Variants in DLGAP2 observed in about 807,000 individuals in gnomAD.
DLGAP2 encodes DLG associated protein 2, also known as disks large-associated protein 2.
DLGAP2 carries 26 observed loss-of-function variants against 100.3 expected under a neutral mutation model. The observed-to-expected ratio is 0.26, with a 90% CI of 0.19 to 0.36. The LOEUF (loss-of-function observed/expected upper bound fraction) is 0.36. DLGAP2 is among the 10% of genes least tolerant of loss of function. DLGAP2 has a pLI of 1.00. For missense variants in DLGAP2, 1,858 were observed against 1,453.2 expected (o/e 1.28, Z -4.53); for synonymous variants, 886 against 630.1 (o/e 1.41, Z -6.08).
rs146716594 is a variant in DLGAP2, at chr8:750,979, C to G, written c.18+13154C>G. ...CTGAGTTGTGGACGGTTGGAAGCTT[C>G]TTTTTCCATCAGCAAACAGGTGTCG... On this transcript the variant is annotated intron_variant, in intron 1 of 14. Coordinates refer to ENST00000637795, the MANE Select transcript of DLGAP2 (RefSeq NM_001346810.2). Among the ~76,000 whole-genome samples, 16 of 152,366 alleles carry G rather than the reference C, an allele frequency of 1.1e-4. No homozygotes were observed. In the East Asian group the frequency reaches 3.1e-3, roughly 29 times the overall value.
At chr8:976,125 A>T (rs1412451701) in intron 2 of DLGAP2, among the ~76,000 whole-genome samples, 1 of 152,238 alleles carries the variant, frequency 6.6e-6, no homozygotes, top group East Asian at 1.9e-4. Flanking sequence ...CTTAGGTATA[A>T]ATCCAAGAAA....
At chr8:772,922 T>C (rs995415648) in intron 1 of DLGAP2, among the ~76,000 whole-genome samples, 2 of 152,154 alleles carry the variant, frequency 1.3e-5, no homozygotes, top group Admixed American at 6.6e-5. Flanking sequence ...CTAGAGTACA[T>C]GGAATGCACC....
intron 5 of DLGAP2, among the ~76,000 whole-genome samples, chr8:1,560,602 C>T (rs1802124626): frequency 6.6e-6 from 1 of 152,184 alleles, no homozygotes; most frequent in African/African-American, 2.4e-5. Context: ...AGTCCGAAGG[C>T]CTCCAGTCAT....
chr8:1,338,844 C>G (rs11989085), intron 3 of DLGAP2, among the ~76,000 whole-genome samples: 693 of 45,418 alleles, frequency 0.015, 1 homozygote, highest in Middle Eastern at 0.038. Context: ...CAGGACCTGG[C>G]AGGGAATGCA....
intron 6 of DLGAP2, among the ~76,000 whole-genome samples, chr8:1,591,898 G>T (rs1415527197): frequency 6.6e-6 from 1 of 152,218 alleles, no homozygotes; most frequent in Non-Finnish European, 1.5e-5. Flanking sequence ...GGACTCCCAG[G>T]GAGGTTCCTC....
Position 1,627,015 on chromosome 8 carries a change from A to G in DLGAP2, c.1590+128A>G, listed in dbSNP as rs78610085. On this transcript the variant is annotated intron_variant, in intron 7 of 14. Transcript: ENST00000637795. Reference sequence around the variant, plus strand: ...AGCAGCACTTGGGCAAGGCTACACCAAAGGGGGTTCCCCTGGAATTAGCTC... The same window carrying G: ...AGCAGCACTTGGGCAAGGCTACACCGAAGGGGGTTCCCCTGGAATTAGCTC... 4.3e-3 allele frequency: 5,002 copies of G among 1,166,206 alleles called. 186 individuals carry two copies. In the African/African-American group the frequency reaches 0.067, roughly 16 times the overall value. 72.2% of individuals were successfully genotyped at this position (1,166,206 alleles called of 1,614,324 possible).
intron 10 of DLGAP2, among the ~76,000 whole-genome samples, chr8:1,672,746 G>C (rs117373163): frequency 2.6e-5 from 4 of 152,176 alleles, no homozygotes; most frequent in African/African-American, 9.7e-5. Context: ...AGAGCTCAAA[G>C]CCTCACAGGC....
intron 4 of DLGAP2, among the ~76,000 whole-genome samples, chr8:1,526,357 C>A (rs1800792390): frequency 1.3e-5 from 2 of 151,972 alleles, no homozygotes; most frequent in South Asian, 4.2e-4. Flanking sequence ...CTCCCCCACT[C>A]ACAGGGGAGG....
At chr8:1,088,843 TC>T (rs1264998430) in intron 2 of DLGAP2, among the ~76,000 whole-genome samples, 1 of 60,432 alleles carries the variant, frequency 1.7e-5, no homozygotes, top group Non-Finnish European at 3.1e-5. Context: ...CCATTCTCGC[TC>T]CCCCCACCCC....
At position 853,762 on chromosome 8, in the gene DLGAP2, C is replaced by G. The variant is rs542823046; in HGVS notation, c.19-54150C>G. Among the ~76,000 whole-genome samples the G allele has an allele frequency of 8.5e-5, 13 of 152,246 alleles. No homozygotes were observed. The East Asian group carries it at 2.5e-3, about 29-fold the overall frequency. On this transcript the variant is annotated intron_variant, in intron 1 of 14. Coordinates refer to ENST00000637795, the MANE Select transcript of DLGAP2 (RefSeq NM_001346810.2). ...TTAATAAGAATTCAGTATTCATGCC[C>G]TGATTGCTAGGGACTGAACCAGGGC...
chr8:1,081,917 C>T lies in DLGAP2; in HGVS notation c.73+173951C>T, dbSNP rs575608713. Among the ~76,000 whole-genome samples, 6 of 152,298 alleles carry T rather than the reference C, an allele frequency of 3.9e-5. No individual in the cohort carries two copies. The South Asian group carries it at 1.0e-3, about 26-fold the overall frequency. On this transcript the variant is annotated intron_variant, in intron 2 of 14. Coordinates refer to ENST00000637795, the MANE Select transcript of DLGAP2 (RefSeq NM_001346810.2). ...GGCTGCTCCTACCCCTGGCCACTTACTCCCCAATCAGGATGCCAGGAAAAT... is the reference window on the plus strand; with the variant it reads ...GGCTGCTCCTACCCCTGGCCACTTATTCCCCAATCAGGATGCCAGGAAAAT...
chr8:1,073,099 C>T (rs531535914), intron 2 of DLGAP2, among the ~76,000 whole-genome samples: 1 of 152,330 alleles, frequency 6.6e-6, no homozygotes, highest in African/African-American at 2.4e-5. Context: ...CTGTTGAAGT[C>T]AGTCTCGTAG....
chr8:1,007,518 G>A (rs1801153443), intron 2 of DLGAP2, among the ~76,000 whole-genome samples: 1 of 152,150 alleles, frequency 6.6e-6, no homozygotes, highest in Non-Finnish European at 1.5e-5. Context: ...TAAATCCTAG[G>A]GAGGCAAGGC....
chr8:932,776 G>A (rs950083931), intron 2 of DLGAP2, among the ~76,000 whole-genome samples: 2 of 152,004 alleles, frequency 1.3e-5, no homozygotes, highest in South Asian at 4.1e-4. Context: ...TACTGCTTTT[G>A]TAACTTTTCT....
At chr8:900,945 T>A (rs1469974211) in intron 1 of DLGAP2, among the ~76,000 whole-genome samples, 1 of 152,042 alleles carries the variant, frequency 6.6e-6, no homozygotes, top group Admixed American at 6.5e-5. Context: ...CTTCCAAAAG[T>A]GGAAGGATAT....
intron 1 of DLGAP2, among the ~76,000 whole-genome samples, chr8:743,002 A>C (rs113069909): frequency 2.9e-4 from 44 of 152,268 alleles, no homozygotes; most frequent in African/African-American, 7.5e-4. Flanking sequence ...ATTGAGGCCT[A>C]CTTTGAGTCA....
intron 8 of DLGAP2, among the ~76,000 whole-genome samples, chr8:1,654,661 C>CA (rs763257486): frequency 0.03 from 2,797 of 92,434 alleles, 88 homozygotes; most frequent in African/African-American, 0.11. Context: ...AACTCCGTCT[C>CA]AAAAAAAAAA....
intron 4 of DLGAP2, among the ~76,000 whole-genome samples, chr8:1,547,103 C>T (rs1801568441): frequency 2.6e-5 from 4 of 152,100 alleles, no homozygotes; most frequent in Admixed American, 2.6e-4. Flanking sequence ...CGGGCAGCGA[C>T]ATCTACAAAT....
chr8:1,234,463 G>C (rs192305060), intron 2 of DLGAP2, among the ~76,000 whole-genome samples: 1 of 152,284 alleles, frequency 6.6e-6, no homozygotes, highest in Admixed American at 6.5e-5. Flanking sequence ...AAGGACACTA[G>C]TAATACTGAA....
Sources: allele counts gnomAD v4.1 joint callset (sites outside exome capture counted in the v4.1 genomes callset), GRCh38; gene constraint gnomAD v4.1.1; transcripts MANE v1.5; gene names NCBI Gene and HGNC (gene_info 2026-07-23, HGNC 2026-07-21).